The following INSL6 variants were observed in gnomAD, a reference collection of about 807,000 sequenced individuals.
INSL6 encodes insulin like 6.
INSL6 carries 16 observed loss-of-function variants against 9.4 expected under a neutral mutation model. That is an observed-to-expected ratio of 1.70 (90% CI 1.15 to 2.59). INSL6 has a LOEUF of 2.59. INSL6 is among the 30% of genes most tolerant of loss of function. The pLI is 0.00. For synonymous variants in INSL6, 154 were observed against 96.9 expected (o/e 1.59, Z -3.46); for missense variants, 391 against 257.3 (o/e 1.52, Z -3.56).
At chr9:5,008,639 A>G in the INSL6 span, among the ~76,000 whole-genome samples, 1 of 152,236 alleles carries the variant, frequency 6.6e-6, no homozygotes, top group African/African-American at 2.4e-5. Context: ...AGACAGAGAT[A>G]AACTGAACTC....
the INSL6 span, among the ~76,000 whole-genome samples, chr9:5,115,594 A>G: frequency 2.0e-5 from 3 of 152,346 alleles, no homozygotes; most frequent in Non-Finnish European, 2.9e-5. Context: ...TCATTCTACT[A>G]TAAAGACACA....
chr9:5,165,554 T>C (rs1021393073), intron 1 of INSL6, among the ~76,000 whole-genome samples: 5 of 152,242 alleles, frequency 3.3e-5, no homozygotes, highest in East Asian at 1.9e-4. Context: ...ATGCTTATTA[T>C]ATATCCTCTT....
At chr9:5,157,198 G>C (rs1233016078) in intron 2 of INSL6, among the ~76,000 whole-genome samples, 1 of 152,066 alleles carries the variant, frequency 6.6e-6, no homozygotes. Context: ...TAGATTCAAT[G>C]CCATCCTTAT....
chr9:5,043,064 G>T, the INSL6 span, among the ~76,000 whole-genome samples: 1 of 152,202 alleles, frequency 6.6e-6, no homozygotes, highest in Admixed American at 6.5e-5. Context: ...GTGGCTTCCT[G>T]TCTCTGTGCT....
the INSL6 span, among the ~76,000 whole-genome samples, chr9:5,086,997 C>A: frequency 2.0e-5 from 3 of 152,138 alleles, no homozygotes; most frequent in Non-Finnish European, 4.4e-5. Flanking sequence ...TACAACTTAG[C>A]ATTTTTAAAT....
At chr9:5,128,222 G>GA (rs1374402415) in intron 3 of INSL6, 5 of 230,812 alleles carry the variant, frequency 2.2e-5, no homozygotes, top group Admixed American at 5.7e-5. Context: ...AAGTTGTACT[G>GA]AAGACTTCTG....
At chr9:5,147,278 G>A (rs1026412506) in intron 2 of INSL6, among the ~76,000 whole-genome samples, 2 of 152,178 alleles carry the variant, frequency 1.3e-5, no homozygotes, top group African/African-American at 4.8e-5. Flanking sequence ...ACAAGCAGTG[G>A]GGGATATGTG....
the INSL6 span, among the ~76,000 whole-genome samples, chr9:5,105,618 G>A: frequency 6.6e-6 from 1 of 152,106 alleles, no homozygotes; most frequent in Non-Finnish European, 1.5e-5. Flanking sequence ...ACCATCCTAA[G>A]CCAAAAGAAC....
intron 2 of INSL6, among the ~76,000 whole-genome samples, chr9:5,141,955 G>T (rs1218283630): frequency 1.3e-5 from 2 of 150,770 alleles, no homozygotes; most frequent in African/African-American, 2.4e-5. Context: ...TATCCCAGGA[G>T]GATTTATTGA....
the INSL6 span, among the ~76,000 whole-genome samples, chr9:5,013,402 A>G: frequency 6.6e-6 from 1 of 152,250 alleles, no homozygotes; most frequent in South Asian, 2.1e-4. Context: ...ATCTTGCAAT[A>G]GAATGCAAAA....
intron 3 of INSL6, chr9:5,132,880 C>T (rs1388263163): frequency 6.6e-6 from 1 of 152,172 alleles, no homozygotes; most frequent in Non-Finnish European, 1.5e-5. Context: ...AAGATTACAA[C>T]TTTCAGTTCT....
At chr9:5,029,833 A>G in the INSL6 span, 5 of 1,611,246 alleles carry the variant, frequency 3.1e-6, no homozygotes, top group Admixed American at 8.3e-5. Flanking sequence ...TGAAACAGAA[A>G]GGATCTGGTA....
the INSL6 span, chr9:5,054,958 C>T: frequency 2.7e-6 from 3 of 1,105,432 alleles, no homozygotes. The surrounding 1 kb of genome is among the most constrained non-coding windows in gnomAD (Gnocchi z 4.9). Flanking sequence ...TAATTTTAAT[C>T]ATTTGCAACA....
chr9:5,181,624 G>C (rs545206943), intron 1 of INSL6, among the ~76,000 whole-genome samples: 31 of 152,284 alleles, frequency 2.0e-4, no homozygotes, highest in African/African-American at 7.5e-4. Context: ...TTATATAAAA[G>C]TTAAGGCTTT....
chr9:5,092,360 G>C, the INSL6 span, among the ~76,000 whole-genome samples: 1 of 152,126 alleles, frequency 6.6e-6, no homozygotes, highest in African/African-American at 2.4e-5. Context: ...GAATAGAGGA[G>C]ATAAGTCGTA....
chr9:5,054,654 T>C, the INSL6 span: 1 of 1,613,360 alleles, frequency 6.2e-7, no homozygotes, highest in Non-Finnish European at 8.5e-7. This position sits in a 1 kb window ranked among gnomAD's most constrained non-coding sequence, Gnocchi z 4.9. Context: ...ATTTCGCAGA[T>C]TTATTCAGCA....
chr9:5,042,606 G>GCCCCGGC, the INSL6 span, among the ~76,000 whole-genome samples: 1 of 151,920 alleles, frequency 6.6e-6, no homozygotes, highest in African/African-American at 2.4e-5. Flanking sequence ...CTGAGGCCCA[G>GCCCCGGC]CCAGCTGCCC....
chr9:5,086,833 C>T, the INSL6 span, among the ~76,000 whole-genome samples: 2 of 152,120 alleles, frequency 1.3e-5, no homozygotes, highest in Non-Finnish European at 2.9e-5. Context: ...ATTGGTGACC[C>T]TTTCTAGAGA....
chr9:5,154,021 C>T (rs1046483024), intron 2 of INSL6, among the ~76,000 whole-genome samples: 1 of 152,168 alleles, frequency 6.6e-6, no homozygotes, highest in African/African-American at 2.4e-5. Context: ...CCAAGACAAT[C>T]CTATGCACAA....
Sources: gnomAD v4.1 joint callset for allele counts (sites outside exome capture counted in the v4.1 genomes callset) on GRCh38, gnomAD v4.1.1 for gene constraint, Gnocchi (gnomAD v3.1) non-coding constraint, MANE v1.5 for transcripts, NCBI Gene and HGNC (gene_info 2026-07-23, HGNC 2026-07-21) for gene names.